Variants in UBE2D2 observed in about 807,000 individuals in gnomAD.
UBE2D2 encodes the protein ubiquitin conjugating enzyme E2 D2, also known as ubiquitin-conjugating enzyme E2 D2.
Under a neutral mutation model 24.2 loss-of-function variants are expected in UBE2D2, and 2 were observed. The ratio of observed to expected loss-of-function variants is 0.08; its 90% CI spans 0.03 to 0.26. UBE2D2 has a LOEUF of 0.26. Ranked by LOEUF, UBE2D2 falls within the 10% of genes least tolerant of loss-of-function variation. The pLI is 1.00. For synonymous variants in UBE2D2, 58 were observed against 56.5 expected, an observed-to-expected ratio of 1.03 and a Z score of -0.12; for missense variants, 44 against 177.6, an observed-to-expected ratio of 0.25 and a Z score of 4.28.
At chr5:139,614,018 C>A (rs1039782091) in intron 2 of UBE2D2, among the ~76,000 whole-genome samples, 1 of 147,726 alleles carries the variant, frequency 6.8e-6, no homozygotes, top group African/African-American at 2.5e-5. Context: ...GCCGAAATTG[C>A]GCCAGCGCAC....
intron 1 of UBE2D2, among the ~76,000 whole-genome samples, chr5:139,546,252 C>T (rs573593793): frequency 1.8e-4 from 28 of 152,102 alleles, no homozygotes; most frequent in African/African-American, 6.3e-4. Context: ...CCATGTTGGC[C>T]AGGCTGGTCT....
intron 1 of UBE2D2, among the ~76,000 whole-genome samples, chr5:139,542,363 C>T (rs1752771770): frequency 6.6e-6 from 1 of 152,068 alleles, no homozygotes; most frequent in African/African-American, 2.4e-5. Flanking sequence ...TGGCATGATA[C>T]AGTTTGTTTT....
intron 1 of UBE2D2, among the ~76,000 whole-genome samples, chr5:139,585,935 C>CAAAAAAAAAAAAAAAAAAAAAA (rs60277561): frequency 3.9e-5 from 1 of 25,562 alleles, no homozygotes; most frequent in Non-Finnish European, 1.1e-4. Context: ...GACTCTGTCT[C>CAAAAAAAAAAAAAAAAAAAAAA]AAAAAAAAAA....
chr5:139,590,774 C>CTCT (rs1193113224), intron 1 of UBE2D2, among the ~76,000 whole-genome samples: 196 of 89,884 alleles, frequency 2.2e-3, no homozygotes, highest in African/African-American at 7.6e-3. Flanking sequence ...TGGGTATTTT[C>CTCT]TCTTCTTCTT....
At chr5:139,539,307 G>A (rs1286886494) in intron 1 of UBE2D2, among the ~76,000 whole-genome samples, 1 of 152,106 alleles carries the variant, frequency 6.6e-6, no homozygotes, top group Non-Finnish European at 1.5e-5. Flanking sequence ...ACAGGCATGA[G>A]CCACCGCACC....
intron 1 of UBE2D2, among the ~76,000 whole-genome samples, chr5:139,585,201 C>T (rs968990237): frequency 4.0e-5 from 6 of 149,570 alleles, no homozygotes; most frequent in Admixed American, 2.7e-4. Flanking sequence ...TGCCCGGCTG[C>T]GTGCAGGTCT....
At chr5:139,613,134 C>T (rs777652517) in intron 2 of UBE2D2, among the ~76,000 whole-genome samples, 1 of 152,154 alleles carries the variant, frequency 6.6e-6, no homozygotes, top group Non-Finnish European at 1.5e-5. Flanking sequence ...TACCTTTAAC[C>T]CCTAATCAAC....
intron 1 of UBE2D2, among the ~76,000 whole-genome samples, chr5:139,531,347 C>G (rs76480485): frequency 6.6e-6 from 1 of 152,140 alleles, no homozygotes; most frequent in Admixed American, 6.5e-5. Context: ...CTCTGACCAC[C>G]GGTGCATGCA....
At position 139,626,951 on chromosome 5, in the gene UBE2D2, T is replaced by C; in HGVS notation, c.*150T>C. On this transcript the variant is annotated 3_prime_UTR_variant, in exon 7 of 7. Coordinates refer to ENST00000398733, the MANE Select transcript of UBE2D2 (RefSeq NM_003339.3). ...TACCTGATACAGCAGTGCTGCGTGT[T>C]GTACATACTTGGAACAACAAACTAG... 1 of 615,716 alleles carries C rather than the reference T, an allele frequency of 1.6e-6. No individual in the cohort carries two copies. Among genetic ancestry groups the C allele is most frequent in the Non-Finnish European group, 2.8e-6 (1 of 353,662 alleles). The allele number at this position is 615,716 out of a possible 1,614,324, so 38.1% of individuals were successfully genotyped here. A position where few individuals can be genotyped will look rare whatever the true frequency, so the allele number is the denominator to read the frequency against.
intron 1 of UBE2D2, among the ~76,000 whole-genome samples, chr5:139,587,948 C>T (rs1029217588): frequency 1.3e-5 from 2 of 152,056 alleles, no homozygotes; most frequent in African/African-American, 4.8e-5. Flanking sequence ...TTGCGAGCCC[C>T]GTATTTAAAG....
intron 2 of UBE2D2, among the ~76,000 whole-genome samples, chr5:139,602,000 C>G (rs1754090178): frequency 6.6e-6 from 1 of 151,456 alleles, no homozygotes; most frequent in African/African-American, 2.4e-5. Context: ...TATGTAGATT[C>G]AGACCAAAAT....
chr5:139,600,177 A>G (rs901374198), intron 1 of UBE2D2, 195 bp from the exon 2 acceptor site: 1 of 673,440 alleles, frequency 1.5e-6, no homozygotes, highest in Non-Finnish European at 2.7e-6. Flanking sequence ...GACCCACTTT[A>G]AAAAAATACA....
chr5:139,616,116 G>C (rs1754414796), intron 5 of UBE2D2, among the ~76,000 whole-genome samples: 1 of 149,814 alleles, frequency 6.7e-6, no homozygotes, highest in Non-Finnish European at 1.5e-5. Context: ...TTACAGGCAT[G>C]AGCCACCGTG....
intron 1 of UBE2D2, among the ~76,000 whole-genome samples, chr5:139,580,587 C>A (rs186609292): frequency 6.6e-6 from 1 of 152,182 alleles, no homozygotes; most frequent in Admixed American, 6.5e-5. Flanking sequence ...TCTGGGACCA[C>A]AGGCATGTGC....
chr5:139,582,266 AT>A (rs112910161), intron 1 of UBE2D2, among the ~76,000 whole-genome samples: 224 of 139,140 alleles, frequency 1.6e-3, no homozygotes, highest in Middle Eastern at 4.0e-3. Context: ...GCCTTACACA[AT>A]TTTTTTTTTT....
At chr5:139,553,351 T>C (rs1561500112) in intron 1 of UBE2D2, among the ~76,000 whole-genome samples, 1 of 152,178 alleles carries the variant, frequency 6.6e-6, no homozygotes, top group Non-Finnish European at 1.5e-5. Context: ...CCCAAACTGC[T>C]TGGGCTGTAC....
intron 1 of UBE2D2, among the ~76,000 whole-genome samples, chr5:139,584,676 G>C (rs970909378): frequency 6.6e-6 from 1 of 150,838 alleles, no homozygotes; most frequent in Non-Finnish European, 1.5e-5. Flanking sequence ...GGGATTACAG[G>C]CATGTGCCAC....
intron 1 of UBE2D2, among the ~76,000 whole-genome samples, chr5:139,541,651 G>A (rs899577363): frequency 6.7e-6 from 1 of 148,800 alleles, no homozygotes; most frequent in Non-Finnish European, 1.5e-5. Context: ...GCTGGCACCT[G>A]TAGTCAGAAC....
chr5:139,620,320 C>A (rs569898637), intron 5 of UBE2D2, among the ~76,000 whole-genome samples: 11 of 152,254 alleles, frequency 7.2e-5, no homozygotes, highest in African/African-American at 2.6e-4. Flanking sequence ...ACTCTCCTTT[C>A]CTGGAAAGAA....
Sources: allele counts gnomAD v4.1 joint callset (sites outside exome capture counted in the v4.1 genomes callset), GRCh38; gene constraint gnomAD v4.1.1; transcripts MANE v1.5; gene names NCBI Gene and HGNC (gene_info 2026-07-23, HGNC 2026-07-21).